The following GRIK5 variants were observed in gnomAD, a reference collection of about 807,000 sequenced individuals.
GRIK5 encodes the protein glutamate receptor ionotropic, kainate 5.
In GRIK5, 43 loss-of-function variants were observed where a neutral mutation model predicts 97.4. The observed-to-expected ratio is 0.44, with a 90% CI of 0.35 to 0.57. GRIK5 has a LOEUF of 0.57. Among genes scored for constraint, GRIK5 ranks in the 20% least tolerant of loss-of-function variants. The probability of loss-of-function intolerance (pLI) is 0.01; values close to 1 mark genes in which losing one functional copy is unlikely to be tolerated. For synonymous variants in GRIK5, 580 were observed against 583.5 expected, an observed-to-expected ratio of 0.99 and a Z score of 0.09; for missense variants, 1,015 against 1,382.0, an observed-to-expected ratio of 0.73 and a Z score of 4.21.
At chr19:42,000,964 C>A (rs149361915) in intron 19 of GRIK5, among the ~76,000 whole-genome samples, 266 of 152,220 alleles carry the variant, frequency 1.7e-3, no homozygotes, top group Admixed American at 4.4e-3. Flanking sequence ...AGAGACTACC[C>A]CTCCCAGAAC....
Position 41,999,742 on chromosome 19 carries a change from C to T in GRIK5, c.2515-443G>A, listed in dbSNP as rs1555870527. Among the ~76,000 whole-genome samples, 10 of 152,188 alleles carry T rather than the reference C, an allele frequency of 6.6e-5. No individual in the cohort carries two copies. On this transcript the variant is annotated intron_variant, in intron 19 of 19. Transcript: ENST00000593562. The surrounding 1 kb of genome is among the most constrained non-coding windows in gnomAD (Gnocchi z 5.0). ...GGCAGAGAAGGAAACAGACAGAAGT[C>T]CCAGCCCTCGTGGAGGTTATGCTCA... is the stretch of plus-strand genomic sequence containing the variant.
chr19:42,027,573 GA>G (rs1364600258), intron 12 of GRIK5, among the ~76,000 whole-genome samples: 1 of 152,216 alleles, frequency 6.6e-6, no homozygotes, highest in African/African-American at 2.4e-5. Context: ...GGTGTGAACA[GA>G]GGGTGACATT....
Position 42,006,604 on chromosome 19 carries a change from G to A in GRIK5, c.2037+41C>T. ...CCATCCTGAGCTGCTTTGCATGGCA[G>A]GGATCCCAACACCACGCCTGAGAGG... On this transcript the variant is annotated intron_variant, in intron 16 of 19. Transcript: ENST00000593562. This position sits in a 1 kb window ranked among gnomAD's most constrained non-coding sequence, Gnocchi z 5.3. 1 of 1,587,986 alleles carries A rather than the reference G, an allele frequency of 6.3e-7. No individual in the cohort carries two copies. The highest frequency in any genetic ancestry group is 8.6e-7 in the Non-Finnish European group (1 of 1,157,772).
intron 11 of GRIK5, among the ~76,000 whole-genome samples, chr19:42,044,047 G>A (rs1243933194): frequency 6.6e-5 from 10 of 152,160 alleles, no homozygotes; most frequent in Admixed American, 5.2e-4. Context: ...TCAGGGGGGC[G>A]GTTTCCCCCA....
At chr19:42,055,366 C>A (rs541377739) in intron 8 of GRIK5, among the ~76,000 whole-genome samples, 1 of 152,250 alleles carries the variant, frequency 6.6e-6, no homozygotes, top group Admixed American at 6.5e-5. Context: ...GTGCTCTGCG[C>A]GTAGAAGTGT....
chr19:42,044,655 A>T (rs2076020979), intron 11 of GRIK5, among the ~76,000 whole-genome samples: 1 of 152,258 alleles, frequency 6.6e-6, no homozygotes, highest in South Asian at 2.1e-4. Context: ...CTTTGGTTAA[A>T]ATATACACAA....
At chr19:42,040,022 T>A (rs545789791) in intron 12 of GRIK5, among the ~76,000 whole-genome samples, 58 of 151,768 alleles carry the variant, frequency 3.8e-4, no homozygotes, top group African/African-American at 1.1e-3. Flanking sequence ...GCACCCACTA[T>A]GCACCAGGCC....
At chr19:42,064,751 C>T (rs1417312842) in intron 3 of GRIK5, among the ~76,000 whole-genome samples, 3 of 152,240 alleles carry the variant, frequency 2.0e-5, no homozygotes, top group African/African-American at 7.2e-5. Flanking sequence ...TTCGAACATT[C>T]AGCCCATCAG....
chr19:42,054,246 G>C lies in GRIK5; in HGVS notation c.1056+74C>G, dbSNP rs1265114587. 3 of 1,479,058 alleles carry C rather than the reference G, an allele frequency of 2.0e-6. No homozygotes were observed. The Admixed American group carries it at 5.2e-5, about 26-fold the overall frequency. The allele number at this position is 1,479,058 out of a possible 1,614,324, so 91.6% of individuals were successfully genotyped here. On this transcript the variant is annotated intron_variant, in intron 9 of 19. Coordinates refer to ENST00000593562, the MANE Select transcript of GRIK5 (RefSeq NM_002088.5). The stretch of plus-strand genomic sequence containing the variant: ...AGAGCAGGGAGGGCAGAGGGCCACA[G>C]GGTGGTCACAGTGAGCGCTCCCACC...
intron 11 of GRIK5, among the ~76,000 whole-genome samples, chr19:42,051,190 G>A (rs1051660577): frequency 3.9e-5 from 6 of 152,238 alleles, no homozygotes; most frequent in East Asian, 1.9e-4. Context: ...AGACTGGGGC[G>A]AGACCAGCGG....
Position 42,042,670 on chromosome 19 carries a change from C to A in GRIK5, c.1355G>T (p.Arg452Leu). ...RFEGFCVDML[R>L]ELAELLRFRY... ...GAAGCGCAGCAGCTCGGCCAGCTCC[C>A]GCAGCATGTCCACGCAGAAGCCCTC... The change falls in exon 12 of 20, where the codon CGG (arginine) becomes CTG (leucine). Residue 452 changes from arginine (R) to leucine (L), a missense_variant. Arg to Leu is a moderately radical substitution (Grantham distance 102). Coordinates refer to ENST00000593562, the MANE Select transcript of GRIK5 (RefSeq NM_002088.5). This position sits in a 1 kb window ranked among gnomAD's most constrained non-coding sequence, Gnocchi z 6.9. The A allele has an allele frequency of 6.2e-7, 1 of 1,613,548 alleles. No homozygotes were observed. The highest frequency in any genetic ancestry group is 8.5e-7 in the Non-Finnish European group (1 of 1,179,982).
chr19:42,008,070 C>T (rs1395346558), intron 15 of GRIK5, among the ~76,000 whole-genome samples: 1 of 151,580 alleles, frequency 6.6e-6, no homozygotes, highest in African/African-American at 2.4e-5. Context: ...CTCACTCTGT[C>T]ACCCAGGCTG....
At chr19:42,061,665 T>C (rs149821871) in intron 5 of GRIK5, among the ~76,000 whole-genome samples, 1 of 152,232 alleles carries the variant, frequency 6.6e-6, no homozygotes, top group Non-Finnish European at 1.5e-5. Context: ...CCTTGCACCA[T>C]CCCTAGCCCC....
At chr19:42,024,705 C>T (rs1712239599) in intron 12 of GRIK5, among the ~76,000 whole-genome samples, 2 of 152,162 alleles carry the variant, frequency 1.3e-5, no homozygotes, top group South Asian at 2.1e-4. Context: ...TCCAGGCAGC[C>T]GACGGCTCCC....
chr19:42,013,964 G>A (rs536471926), intron 15 of GRIK5, among the ~76,000 whole-genome samples: 1 of 151,186 alleles, frequency 6.6e-6, no homozygotes, highest in African/African-American at 2.4e-5. Context: ...GGGAGGTTGA[G>A]GCTGCAGTGA....
rs990570971 is a variant in GRIK5 at position 42,055,989 on chromosome 19, CT to C, written c.903+672del. ...TAAGCCACCATGCCTGGCCAATTTA[CT>C]TTTTTTTTTTTTTGAGACGGAGTCT... On this transcript the variant is annotated intron_variant, in intron 8 of 19. Coordinates refer to ENST00000593562, the MANE Select transcript of GRIK5 (RefSeq NM_002088.5). Among the ~76,000 whole-genome samples, 381 of 130,088 alleles carry C rather than the reference CT, an allele frequency of 2.9e-3. 1 individual carries two copies. The highest frequency in any genetic ancestry group is 6.3e-3 in the Middle Eastern group (1 of 158). 85.3% of individuals were successfully genotyped at this position (130,088 alleles called of 152,430 possible).
rs2076157461 is a variant in GRIK5, at chr19:42,054,478, G to A, written c.904-6C>T. On this transcript the variant is annotated splice_polypyrimidine_tract_variant and splice_region_variant and intron_variant, in intron 8 of 19. Transcript: ENST00000593562. ...AACATCAGGGCGGCTGACAGCTGCG[G>A]TGGGACAGAGGCGGGGGTGGGATGG... The A allele has an allele frequency of 6.2e-7, 1 of 1,611,534 alleles. No homozygotes were observed. Among genetic ancestry groups the A allele is most frequent in the Middle Eastern group, 1.7e-4 (1 of 6,058 alleles).
At position 42,062,569 on chromosome 19, in the gene GRIK5, C is replaced by T. The variant is rs1296021976; in HGVS notation, c.427G>A (p.Glu143Lys). 3 of 1,614,160 alleles carry T rather than the reference C, an allele frequency of 1.9e-6. No individual in the cohort carries two copies. Among genetic ancestry groups the T allele is most frequent in the East Asian group, 2.2e-5 (1 of 44,886 alleles). ...CGGGAGACCGCCAAGCTGACGTCCT[C>T]GTTACTGGGGTACAGGCTGACAGAC... ...FASVSLYPSN[E>K]DVSLAVSRIL... The change falls in exon 5 of 20, where the codon GAG becomes AAG. Residue 143 changes from glutamate to lysine, a missense_variant. Physicochemically the swap from Glu to Lys is moderately conservative, Grantham distance 56. Coordinates refer to ENST00000593562, the MANE Select transcript of GRIK5 (RefSeq NM_002088.5). The surrounding 1 kb of genome is among the most constrained non-coding windows in gnomAD (Gnocchi z 5.3).
At chr19:42,039,091 C>A (rs2075945879) in intron 12 of GRIK5, among the ~76,000 whole-genome samples, 1 of 152,182 alleles carries the variant, frequency 6.6e-6, no homozygotes, top group Non-Finnish European at 1.5e-5. Context: ...GCCTGAGGCC[C>A]ACCAGCTCAT....
Sources: allele counts gnomAD v4.1 joint callset (sites outside exome capture counted in the v4.1 genomes callset), GRCh38; gene constraint gnomAD v4.1.1; non-coding constraint Gnocchi (gnomAD v3.1); transcripts MANE v1.5; gene names NCBI Gene and HGNC (gene_info 2026-07-23, HGNC 2026-07-21).